Variants in ZRANB1 observed in about 807,000 individuals in gnomAD.
The protein encoded by ZRANB1 is zinc finger RANBP2-type containing 1.
A neutral mutation model predicts 80.5 loss-of-function variants in ZRANB1; 16 were observed. That is an observed-to-expected ratio of 0.20 (90% CI 0.13 to 0.30). The LOEUF (loss-of-function observed/expected upper bound fraction) is 0.30. Among genes scored for constraint, ZRANB1 ranks in the 10% least tolerant of loss-of-function variants. ZRANB1 has a pLI of 1.00. For synonymous variants in ZRANB1, 291 were observed against 293.1 expected, an observed-to-expected ratio of 0.99 and a Z score of 0.07; for missense variants, 576 against 862.6, an observed-to-expected ratio of 0.67 and a Z score of 4.16.
intron 1 of ZRANB1, among the ~76,000 whole-genome samples, chr10:124,954,052 G>A (rs1304481206): frequency 2.0e-5 from 3 of 149,044 alleles, no homozygotes; most frequent in African/African-American, 7.5e-5. Context: ...CTGCAGCCTC[G>A]AATGCCCAGG....
rs1952088512 is a variant in ZRANB1 at position 124,987,617 on chromosome 10, G to GTAAC, written c.*2628_*2631dup. On this transcript the variant is annotated 3_prime_UTR_variant, in exon 9 of 9. Transcript: ENST00000359653. ...TTTTGTTCCCTGGGGTAATAGGTCA[G>GTAAC]TAACTATGAGCGCCGTCTCTCTCCA... 6.6e-6 allele frequency: 1 copy of GTAAC among 152,150 alleles called. No homozygotes were observed. Among genetic ancestry groups the GTAAC allele is most frequent in the Non-Finnish European group, 1.5e-5 (1 of 68,032 alleles). The allele number at this position is 152,150 out of a possible 1,614,324, so 9.4% of individuals were successfully genotyped here. A position where few individuals can be genotyped will look rare whatever the true frequency, so the allele number is the denominator to read the frequency against.
chr10:124,919,918 CCCCT>C, the ZRANB1 span, among the ~76,000 whole-genome samples: 1 of 125,032 alleles, frequency 8.0e-6, no homozygotes. Flanking sequence ...GCCCCCCCCC[CCCCT>C]TTTTTTTTTT....
In ZRANB1 at chr10:124,962,786, T is replaced by G. The variant is rs190942178; in HGVS notation, c.815-3808T>G. Among the ~76,000 whole-genome samples the G allele has an allele frequency of 4.9e-4, 74 of 152,336 alleles. 1 individual carries two copies. The highest frequency in any genetic ancestry group is 6.8e-3 in the Middle Eastern group (2 of 294). On this transcript the variant is annotated intron_variant, in intron 1 of 8. Transcript: ENST00000359653. Reference sequence around the variant, plus strand: ...AGTGTATTAACACTTTATCTGTAATTATGTTTCACTATTAGGCTAATTGTG... The same window carrying G: ...AGTGTATTAACACTTTATCTGTAATGATGTTTCACTATTAGGCTAATTGTG...
intron 1 of ZRANB1, chr10:124,962,273 C>T: frequency 2.1e-6 from 1 of 476,190 alleles, no homozygotes. Context: ...TTAAAACTAA[C>T]TTTTCTCTTT....
At chr10:124,931,050 T>C in the ZRANB1 span, among the ~76,000 whole-genome samples, 2 of 152,154 alleles carry the variant, frequency 1.3e-5, no homozygotes, top group Admixed American at 1.3e-4. Context: ...CAGTTAGTCA[T>C]GAAGGGCTTT....
At chr10:124,982,721 T>C (rs916380713) in intron 6 of ZRANB1, among the ~76,000 whole-genome samples, 2 of 152,208 alleles carry the variant, frequency 1.3e-5, no homozygotes, top group Non-Finnish European at 2.9e-5. Context: ...AGCTCGATGA[T>C]GGACCCATTT....
At chr10:124,928,373 TTAAG>T in the ZRANB1 span, among the ~76,000 whole-genome samples, 7 of 152,180 alleles carry the variant, frequency 4.6e-5, no homozygotes, top group Non-Finnish European at 1.5e-5. Flanking sequence ...AGTGATCTCC[TTAAG>T]TGTGGATCAT....
At chr10:124,966,855 A>G in intron 2 of ZRANB1, 74 bp downstream of exon 2, 2 of 1,387,336 alleles carry the variant, frequency 1.4e-6, no homozygotes, top group East Asian at 2.3e-5. Flanking sequence ...TTTTGATTTT[A>G]TAATGTTTCT....
chr10:124,968,386 A>G (rs1358714463), intron 2 of ZRANB1, among the ~76,000 whole-genome samples: 3 of 152,240 alleles, frequency 2.0e-5, no homozygotes, highest in Non-Finnish European at 2.9e-5. Context: ...GGTTAGATGG[A>G]AACATGATTG....
chr10:124,984,260 CCA>C, intron 8 of ZRANB1: 1 of 155,650 alleles, frequency 6.4e-6, no homozygotes, highest in East Asian at 1.9e-4. Flanking sequence ...GTGCTGTAGA[CCA>C]GACAGGGGAG....
At chr10:124,978,255 AGAG>A (rs1347354994) in intron 5 of ZRANB1, among the ~76,000 whole-genome samples, 1 of 152,154 alleles carries the variant, frequency 6.6e-6, no homozygotes, top group Non-Finnish European at 1.5e-5. Context: ...CTAGGCCAGG[AGAG>A]GAGGAGCCAG....
At chr10:124,950,925 A>T (rs1449697441) in intron 1 of ZRANB1, among the ~76,000 whole-genome samples, 1 of 152,164 alleles carries the variant, frequency 6.6e-6, no homozygotes, top group African/African-American at 2.4e-5. Flanking sequence ...GCGGGCCATG[A>T]TTGTGTCACT....
At chr10:124,939,516 A>T (rs1158462952), upstream of ZRANB1, among the ~76,000 whole-genome samples, 1 of 152,196 alleles carries the variant, frequency 6.6e-6, no homozygotes, top group Non-Finnish European at 1.5e-5. Context: ...CTGGACATTT[A>T]AATATATTGT....
chr10:124,967,903 T>C (rs878969084), intron 2 of ZRANB1, among the ~76,000 whole-genome samples: 9 of 152,058 alleles, frequency 5.9e-5, no homozygotes, highest in Non-Finnish European at 1.3e-4. Flanking sequence ...TTTTTTTTCT[T>C]TCTTTTTTTT....
the ZRANB1 span, among the ~76,000 whole-genome samples, chr10:124,922,334 ATATTT>A: frequency 2.7e-4 from 11 of 41,402 alleles, no homozygotes; most frequent in Admixed American, 9.7e-4. Flanking sequence ...ATGTATATAT[ATATTT>A]TTTTTTTAAT....
At position 124,986,632 on chromosome 10, in the gene ZRANB1, G is replaced by A; in HGVS notation, c.*1640G>A. 6.6e-6 allele frequency: 1 copy of A among 152,172 alleles called. No individual in the cohort carries two copies. The highest frequency in any genetic ancestry group is 1.9e-4 in the East Asian group (1 of 5,202). The allele number at this position is 152,172 out of a possible 1,614,324, so 9.4% of individuals were successfully genotyped here. A position where few individuals can be genotyped will look rare whatever the true frequency, so the allele number is the denominator to read the frequency against. On this transcript the variant is annotated 3_prime_UTR_variant, in exon 9 of 9. Coordinates refer to ENST00000359653, the MANE Select transcript of ZRANB1 (RefSeq NM_017580.3). ...ATGTAAATGCTGCTGTTTGTTTCAA[G>A]TGGTGAATGTGTTGTTAAAAATTGG...
At chr10:124,928,643 T>G in the ZRANB1 span, among the ~76,000 whole-genome samples, 1 of 152,236 alleles carries the variant, frequency 6.6e-6, no homozygotes, top group South Asian at 2.1e-4. Flanking sequence ...ATCTGTTCAT[T>G]GTTAAACGTA....
At chr10:124,974,795 T>C (rs902216020) in intron 5 of ZRANB1, among the ~76,000 whole-genome samples, 7 of 152,066 alleles carry the variant, frequency 4.6e-5, no homozygotes, top group African/African-American at 1.4e-4. Flanking sequence ...GATTGACTGA[T>C]TGATTGATTG....
intron 3 of ZRANB1, among the ~76,000 whole-genome samples, chr10:124,973,154 T>C (rs963342): frequency 0.081 from 12,392 of 152,250 alleles, 697 homozygotes; most frequent in Admixed American, 0.16. Flanking sequence ...AAAATTTATT[T>C]TTTATTTTTA....
Sources: allele counts gnomAD v4.1 joint callset (sites outside exome capture counted in the v4.1 genomes callset), GRCh38; gene constraint gnomAD v4.1.1; transcripts MANE v1.5; gene names NCBI Gene and HGNC (gene_info 2026-07-23, HGNC 2026-07-21).